The following CYYR1 variants were observed in gnomAD, a reference collection of about 807,000 sequenced individuals.
The protein encoded by CYYR1 is cysteine and tyrosine rich 1, also known as cysteine and tyrosine-rich protein 1.
In CYYR1, 14 loss-of-function variants were observed where a neutral mutation model predicts 15.2. The ratio of observed to expected loss-of-function variants is 0.92; its 90% CI spans 0.61 to 1.44. The LOEUF (loss-of-function observed/expected upper bound fraction) is 1.44. CYYR1 is among the 40% of genes most tolerant of loss of function. The pLI is 0.00. For synonymous variants in CYYR1, 80 were observed against 77.4 expected, an observed-to-expected ratio of 1.03 and a Z score of -0.18; for missense variants, 228 against 209.5, an observed-to-expected ratio of 1.09 and a Z score of -0.54.
intron 2 of CYYR1, among the ~76,000 whole-genome samples, chr21:26,540,225 A>G (rs1394022040): frequency 1.3e-5 from 2 of 152,166 alleles, no homozygotes; most frequent in East Asian, 1.9e-4. Flanking sequence ...AAGAAAGTAT[A>G]AAGACTCCCT....
At chr21:26,489,468 G>A (rs1286576241) in intron 2 of CYYR1, among the ~76,000 whole-genome samples, 1 of 151,880 alleles carries the variant, frequency 6.6e-6, no homozygotes, top group Non-Finnish European at 1.5e-5. Context: ...GATTTAATGA[G>A]AGTCGAATAC....
At chr21:26,559,584 T>C (rs1445521414) in intron 2 of CYYR1, among the ~76,000 whole-genome samples, 1 of 152,162 alleles carries the variant, frequency 6.6e-6, no homozygotes, top group African/African-American at 2.4e-5. Flanking sequence ...AAAAATGTAA[T>C]TGTTTGCTTT....
intron 2 of CYYR1, among the ~76,000 whole-genome samples, chr21:26,483,663 A>G (rs1267599907): frequency 1.3e-5 from 2 of 152,070 alleles, no homozygotes; most frequent in Non-Finnish European, 2.9e-5. Context: ...TTACGCTTTC[A>G]TCTCAGACAC....
intron 2 of CYYR1, chr21:26,564,860 TTAAATTTATTAATAATA>T (rs1980501235): frequency 8.7e-7 from 1 of 1,149,494 alleles, no homozygotes; most frequent in Non-Finnish European, 1.1e-6. Flanking sequence ...AAAAAAAAAT[TTAAATTTATTAATAATA>T]TATTTTGTTA....
At chr21:26,526,426 C>A (rs371176992) in intron 2 of CYYR1, among the ~76,000 whole-genome samples, 1 of 151,684 alleles carries the variant, frequency 6.6e-6, no homozygotes, top group Non-Finnish European at 1.5e-5. Flanking sequence ...CCAGCCTGGG[C>A]GACAGAGCAA....
At chr21:26,559,596 T>C (rs1436705844) in intron 2 of CYYR1, among the ~76,000 whole-genome samples, 1 of 152,204 alleles carries the variant, frequency 6.6e-6, no homozygotes, top group East Asian at 1.9e-4. Flanking sequence ...GTTTGCTTTT[T>C]GTTTTTACAT....
intron 2 of CYYR1, among the ~76,000 whole-genome samples, chr21:26,501,111 A>C (rs1388012890): frequency 2.6e-5 from 4 of 152,304 alleles, no homozygotes; most frequent in Non-Finnish European, 5.9e-5. Context: ...AGGCCAAGGC[A>C]GGCAGATCAT....
At chr21:26,527,654 C>T (rs182097840) in intron 2 of CYYR1, among the ~76,000 whole-genome samples, 2 of 152,132 alleles carry the variant, frequency 1.3e-5, no homozygotes, top group Admixed American at 1.3e-4. Flanking sequence ...TGAATATGGC[C>T]AGATGAATCA....
chr21:26,573,118 C>T lies in CYYR1; in HGVS notation c.-178G>A. On this transcript the variant is annotated 5_prime_UTR_variant, in exon 1 of 4. Transcript: ENST00000652641. ...CCGGGCCGGGCGCGTCCCGGGCCAGCGACTGCGGGACTCCGCGGAGCTGGG... is the reference window on the plus strand; with the variant it reads ...CCGGGCCGGGCGCGTCCCGGGCCAGTGACTGCGGGACTCCGCGGAGCTGGG... The T allele has an allele frequency of 6.6e-7, 1 of 1,507,648 alleles. No individual in the cohort carries two copies. Among genetic ancestry groups the T allele is most frequent in the Non-Finnish European group, 8.8e-7 (1 of 1,133,032 alleles). The allele number at this position is 1,507,648 out of a possible 1,614,324, so 93.4% of individuals were successfully genotyped here. A position where few individuals can be genotyped will look rare whatever the true frequency, so the allele number is the denominator to read the frequency against.
At chr21:26,533,568 A>G (rs2065959709) in intron 2 of CYYR1, among the ~76,000 whole-genome samples, 1 of 152,122 alleles carries the variant, frequency 6.6e-6, no homozygotes, top group Non-Finnish European at 1.5e-5. Context: ...GTCCACTCAC[A>G]TTGGTGAGGG....
chr21:26,493,901 G>A (rs567017390), intron 2 of CYYR1, among the ~76,000 whole-genome samples: 38 of 152,196 alleles, frequency 2.5e-4, no homozygotes, highest in Non-Finnish European at 4.7e-4. Flanking sequence ...TCAGCATAAT[G>A]AGCATGCATA....
chr21:26,497,841 T>C (rs181327597), intron 2 of CYYR1, among the ~76,000 whole-genome samples: 2 of 152,306 alleles, frequency 1.3e-5, no homozygotes, highest in East Asian at 1.9e-4. Context: ...TTTTCTACAT[T>C]GAAAGACAGG....
chr21:26,474,035 G>GTT lies in CYYR1; in HGVS notation c.335-5403_335-5402dup, dbSNP rs1221218902. ...ATGTTGGTTTTTTTTGTTGTTGTGT[G>GTT]TTTTTTGTTTTCGTTTTTTTTTTTT... On this transcript the variant is annotated intron_variant, in intron 3 of 3. Transcript: ENST00000652641. Among the ~76,000 whole-genome samples the GTT allele has an allele frequency of 9.8e-5, 13 of 133,040 alleles. No homozygotes were observed. The East Asian group carries it at 3.2e-3, about 32-fold the overall frequency. The allele number at this position is 133,040 out of a possible 152,430, so 87.3% of individuals were successfully genotyped here. A position where few individuals can be genotyped will look rare whatever the true frequency, so the allele number is the denominator to read the frequency against.
At position 26,475,132 on chromosome 21, in the gene CYYR1, G is replaced by A. The variant is rs541416284; in HGVS notation, c.334+5140C>T. Among the ~76,000 whole-genome samples, 25 of 152,132 alleles carry A rather than the reference G, an allele frequency of 1.6e-4. No homozygotes were observed. In the South Asian group the frequency reaches 3.5e-3, roughly 21 times the overall value. ...CATTTTCATAAGTGTTGTGGTCTTT[G>A]GCCTTGCTCAGAAGCCATACATTTC... On this transcript the variant is annotated intron_variant, in intron 3 of 3. Transcript: ENST00000652641.
At chr21:26,492,237 C>A (rs945822781) in intron 2 of CYYR1, among the ~76,000 whole-genome samples, 2 of 152,216 alleles carry the variant, frequency 1.3e-5, no homozygotes, top group Non-Finnish European at 2.9e-5. Flanking sequence ...AGATCTCAAT[C>A]TCATCTTATT....
chr21:26,468,414 G>T lies in CYYR1; in HGVS notation c.*87C>A, dbSNP rs2064993410. On this transcript the variant is annotated 3_prime_UTR_variant, in exon 4 of 4. Transcript: ENST00000652641. ...CTGACCCCAAAAAGTATTCCTTGGA[G>T]CAATTCTTTCCTGCCTGTTTCTGAG... 9.0e-6 allele frequency: 8 copies of T among 884,140 alleles called. No homozygotes were observed. The highest frequency in any genetic ancestry group is 1.6e-5 in the African/African-American group (1 of 60,948). The allele number at this position is 884,140 out of a possible 1,614,324, so 54.8% of individuals were successfully genotyped here.
intron 2 of CYYR1, among the ~76,000 whole-genome samples, chr21:26,487,584 T>C (rs2065267232): frequency 6.6e-6 from 1 of 152,130 alleles, no homozygotes; most frequent in South Asian, 2.1e-4. Flanking sequence ...TAGTAACACT[T>C]TGACTTGCTT....
In CYYR1 at chr21:26,573,111, G is replaced by A; in HGVS notation, c.-171C>T. On this transcript the variant is annotated 5_prime_UTR_variant, in exon 1 of 4. Coordinates refer to ENST00000652641, the MANE Select transcript of CYYR1 (RefSeq NM_001320768.2). ...AGGGAGCCCGGGCCGGGCGCGTCCC[G>A]GGCCAGCGACTGCGGGACTCCGCGG... 5.3e-6 allele frequency: 8 copies of A among 1,514,216 alleles called. No homozygotes were observed. Among genetic ancestry groups the A allele is most frequent in the Admixed American group, 2.1e-5 (1 of 48,176 alleles). The allele number at this position is 1,514,216 out of a possible 1,614,324, so 93.8% of individuals were successfully genotyped here. A position where few individuals can be genotyped will look rare whatever the true frequency, so the allele number is the denominator to read the frequency against.
At chr21:26,516,843 C>T (rs2065733089) in intron 2 of CYYR1, among the ~76,000 whole-genome samples, 1 of 152,044 alleles carries the variant, frequency 6.6e-6, no homozygotes, top group South Asian at 2.1e-4. Flanking sequence ...GGGCCGGGCG[C>T]GGTGGCTCAC....
Sources: allele counts gnomAD v4.1 joint callset (sites outside exome capture counted in the v4.1 genomes callset), GRCh38; gene constraint gnomAD v4.1.1; transcripts MANE v1.5; gene names NCBI Gene and HGNC (gene_info 2026-07-23, HGNC 2026-07-21).